PAK5: variants seen among roughly 807,000 people sequenced by gnomAD.
The protein encoded by PAK5 is p21 (RAC1) activated kinase 5.
Under a neutral mutation model 65.9 loss-of-function variants are expected in PAK5, and 16 were observed. The ratio of observed to expected loss-of-function variants is 0.24; its 90% CI spans 0.16 to 0.37. The LOEUF (loss-of-function observed/expected upper bound fraction) is 0.37, where lower values mean the gene tolerates loss of function less well. PAK5 is among the 10% of genes least tolerant of loss of function. PAK5 has a pLI of 1.00. For missense variants in PAK5, 785 were observed against 903.9 expected (o/e 0.87, Z 1.69); for synonymous variants, 371 against 354.9 (o/e 1.05, Z -0.51).
In PAK5 at chr20:9,539,086, TTC is replaced by T. The variant is rs1196156656; in HGVS notation, c.*374_*375del. ...AAAAGTGCTTTTTGTTTTCCTTTCT[TTC>T]TTTTTTTTTTTTTTTTGCCAGAAAA... On this transcript the variant is annotated 3_prime_UTR_variant, in exon 10 of 10. Transcript: ENST00000353224. The T allele has an allele frequency of 2.3e-3, 509 of 224,206 alleles. 2 individuals carry two copies. Among genetic ancestry groups the T allele is most frequent in the African/African-American group, 0.013 (476 of 37,318 alleles). 13.9% of individuals were successfully genotyped at this position (224,206 alleles called of 1,614,324 possible).
chr20:9,739,245 A>C (rs991706696), intron 1 of PAK5, among the ~76,000 whole-genome samples: 1 of 134,060 alleles, frequency 7.5e-6, no homozygotes, highest in Non-Finnish European at 1.7e-5. Context: ...TTTTTTTTAA[A>C]TCACAGCTTG....
intron 1 of PAK5, among the ~76,000 whole-genome samples, chr20:9,746,308 C>A (rs116978890): frequency 0.012 from 1,818 of 152,250 alleles, 10 homozygotes; most frequent in Non-Finnish European, 0.019. Context: ...TTCTCTATCA[C>A]CTACATCCCT....
intron 2 of PAK5, among the ~76,000 whole-genome samples, chr20:9,683,988 A>C (rs977930355): frequency 1.3e-5 from 2 of 152,226 alleles, no homozygotes; most frequent in Admixed American, 1.3e-4. Flanking sequence ...TTGAATAGAT[A>C]GTTCTCTGCG....
At chr20:9,799,831 C>T (rs142907932) in intron 1 of PAK5, among the ~76,000 whole-genome samples, 72 of 149,018 alleles carry the variant, frequency 4.8e-4, no homozygotes, top group Non-Finnish European at 1.6e-4. Flanking sequence ...GTCACAGCTA[C>T]TCTGGAGGCT....
chr20:9,689,564 G>A (rs2047764453), intron 2 of PAK5, among the ~76,000 whole-genome samples: 1 of 152,162 alleles, frequency 6.6e-6, no homozygotes, highest in Non-Finnish European at 1.5e-5. Flanking sequence ...CATGCTTCAA[G>A]TGTTTAATGA....
At chr20:9,539,646 G>A (rs1451266327) in intron 9 of PAK5, 29 bp from the exon 10 acceptor site, 2 of 1,603,868 alleles carry the variant, frequency 1.2e-6, no homozygotes, top group Non-Finnish European at 1.7e-6. Context: ...ACCAATCTGA[G>A]GACTAACACA....
At chr20:9,610,589 C>T (rs764785204) in intron 3 of PAK5, among the ~76,000 whole-genome samples, 3 of 152,164 alleles carry the variant, frequency 2.0e-5, no homozygotes, top group African/African-American at 7.2e-5. Context: ...TATAAGATGT[C>T]GGCATGTGCA....
chr20:9,707,589 A>G (rs2123478362), intron 2 of PAK5, among the ~76,000 whole-genome samples: 1 of 152,274 alleles, frequency 6.6e-6, no homozygotes, highest in East Asian at 1.9e-4. Flanking sequence ...CTATTTCCAC[A>G]TCCCTTAAAT....
chr20:9,786,355 T>C (rs1243734907), intron 1 of PAK5, among the ~76,000 whole-genome samples: 3 of 152,114 alleles, frequency 2.0e-5, no homozygotes, highest in Non-Finnish European at 4.4e-5. Flanking sequence ...AACATTTACA[T>C]GTCGTGGATG....
At chr20:9,720,592 C>A (rs558666245) in intron 1 of PAK5, among the ~76,000 whole-genome samples, 1 of 151,990 alleles carries the variant, frequency 6.6e-6, no homozygotes, top group East Asian at 1.9e-4. Context: ...AATAGCAATT[C>A]CACTCCCAGG....
At chr20:9,577,578 G>A (rs2045908668) in intron 4 of PAK5, 1 of 152,214 alleles carries the variant, frequency 6.6e-6, no homozygotes. Flanking sequence ...CCCTCAGCTG[G>A]AAATCCAAAT....
At chr20:9,834,144 T>C (rs1383718735) in intron 1 of PAK5, among the ~76,000 whole-genome samples, 1 of 152,250 alleles carries the variant, frequency 6.6e-6, no homozygotes, top group Non-Finnish European at 1.5e-5. Flanking sequence ...TTAAAAACTT[T>C]ACTTAAACAT....
At chr20:9,591,381 C>T (rs1480229471) in intron 3 of PAK5, among the ~76,000 whole-genome samples, 3 of 152,116 alleles carry the variant, frequency 2.0e-5, no homozygotes, top group East Asian at 3.9e-4. Context: ...GAAAGACAAG[C>T]TCCAAACCCT....
At chr20:9,555,621 T>G (rs1438903820) in intron 7 of PAK5, among the ~76,000 whole-genome samples, 1 of 152,176 alleles carries the variant, frequency 6.6e-6, no homozygotes, top group Non-Finnish European at 1.5e-5. Flanking sequence ...AGCTGTCCAC[T>G]CATATGGAAG....
intron 1 of PAK5, among the ~76,000 whole-genome samples, chr20:9,721,576 C>T (rs1367642978): frequency 7.0e-6 from 1 of 143,110 alleles, no homozygotes; most frequent in Non-Finnish European, 1.5e-5. Flanking sequence ...TCGCTTGAAC[C>T]CGGGAGGAGG....
intron 1 of PAK5, among the ~76,000 whole-genome samples, chr20:9,799,768 C>A (rs6056893): frequency 0.5 from 75,165 of 150,872 alleles, 18,874 homozygotes; most frequent in Admixed American, 0.55. Flanking sequence ...AAAGAAATAT[C>A]TGTTACAAAA....
chr20:9,567,359 T>C (rs886828417), intron 4 of PAK5, among the ~76,000 whole-genome samples: 10 of 152,276 alleles, frequency 6.6e-5, no homozygotes, highest in African/African-American at 2.2e-4. Flanking sequence ...GGCATTAACT[T>C]ATCCCACTCC....
chr20:9,790,952 G>A (rs1442408518), intron 1 of PAK5, among the ~76,000 whole-genome samples: 7 of 152,114 alleles, frequency 4.6e-5, no homozygotes, highest in Non-Finnish European at 1.0e-4. Flanking sequence ...CGGGGAATGG[G>A]TGTTGGGAAT....
intron 1 of PAK5, among the ~76,000 whole-genome samples, chr20:9,760,699 T>A (rs1180985119): frequency 1.5e-5 from 2 of 131,150 alleles, no homozygotes; most frequent in African/African-American, 5.9e-5. Flanking sequence ...TTAGACAGAG[T>A]ATTACTTTGT....
Sources: allele counts gnomAD v4.1 joint callset (sites outside exome capture counted in the v4.1 genomes callset), GRCh38; gene constraint gnomAD v4.1.1; transcripts MANE v1.5; gene names NCBI Gene and HGNC (gene_info 2026-07-23, HGNC 2026-07-21).